C8orf88: variants seen among roughly 807,000 people sequenced by gnomAD.
C8orf88 encodes uncharacterized protein C8orf88.
In C8orf88, 14 loss-of-function variants were observed where a neutral mutation model predicts 18.4. The observed-to-expected ratio is 0.76, with a 90% CI of 0.50 to 1.19. C8orf88 has a LOEUF of 1.19. Ranked by LOEUF, C8orf88 falls within the 50% of genes most tolerant of loss-of-function variation. The pLI is 0.00. For missense variants in C8orf88, 116 were observed against 134.7 expected (o/e 0.86, Z 0.69); for synonymous variants, 45 against 42.9 (o/e 1.05, Z -0.19).
At chr8:90,975,421 GGACA>G (rs1417720054) in intron 3 of C8orf88, among the ~76,000 whole-genome samples, 2 of 151,598 alleles carry the variant, frequency 1.3e-5, no homozygotes, top group African/African-American at 4.8e-5. Flanking sequence ...AATAATAAAA[GGACA>G]AACAACCCAA....
chr8:90,974,583 C>T lies in C8orf88; in HGVS notation c.148-3442G>A, dbSNP rs368491039. Among the ~76,000 whole-genome samples the T allele has an allele frequency of 1.1e-4, 16 of 152,176 alleles. 1 individual carries two copies. The highest frequency in any genetic ancestry group is 3.9e-4 in the African/African-American group (16 of 41,532). On this transcript the variant is annotated intron_variant, in intron 3 of 5. Coordinates refer to ENST00000517562, the MANE Select transcript of C8orf88 (RefSeq NM_001190972.2). ...GGAGACCATGAAAGATAAAAATAAG[C>T]TATTGTTTTAAGCCAAAATTTTCAA...
At chr8:90,960,303 G>C (rs1033384187) in intron 5 of C8orf88, among the ~76,000 whole-genome samples, 28 of 151,356 alleles carry the variant, frequency 1.8e-4, no homozygotes, top group African/African-American at 5.3e-4. Flanking sequence ...GAACAGAATG[G>C]ATAGCCCATT....
At chr8:90,971,407 A>G (rs1811281667) in intron 3 of C8orf88, among the ~76,000 whole-genome samples, 1 of 152,118 alleles carries the variant, frequency 6.6e-6, no homozygotes. Context: ...TGTCCTAAAC[A>G]TAAATAATTC....
chr8:90,964,748 A>C (rs1223554798), intron 4 of C8orf88, among the ~76,000 whole-genome samples: 1 of 151,720 alleles, frequency 6.6e-6, no homozygotes, highest in African/African-American at 2.4e-5. Flanking sequence ...TGACAACAAC[A>C]ACATAAAGGT....
intron 1 of C8orf88, among the ~76,000 whole-genome samples, chr8:90,984,316 T>C (rs1472529583): frequency 6.6e-6 from 1 of 152,208 alleles, no homozygotes; most frequent in Non-Finnish European, 1.5e-5. Flanking sequence ...ATTACAAAGT[T>C]AGGATTCCTT....
intron 3 of C8orf88, among the ~76,000 whole-genome samples, chr8:90,977,067 T>C (rs574134330): frequency 1.3e-5 from 2 of 152,204 alleles, no homozygotes; most frequent in South Asian, 4.1e-4. Flanking sequence ...ATCCAGAACA[T>C]ATTTTAAAGG....
intron 4 of C8orf88, among the ~76,000 whole-genome samples, chr8:90,962,645 C>G (rs1181199611): frequency 6.6e-6 from 1 of 151,534 alleles, no homozygotes; most frequent in African/African-American, 2.4e-5. Context: ...TTATAGGTTC[C>G]CAGAACTGGA....
chr8:90,968,461 T>C (rs1380585487), intron 4 of C8orf88, among the ~76,000 whole-genome samples: 1 of 151,064 alleles, frequency 6.6e-6, no homozygotes, highest in Non-Finnish European at 1.5e-5. Context: ...ATGCCAGAGC[T>C]AAAACTATAA....
intron 3 of C8orf88, among the ~76,000 whole-genome samples, chr8:90,975,943 AC>A (rs1460813807): frequency 1.3e-5 from 2 of 151,724 alleles, no homozygotes; most frequent in South Asian, 2.1e-4. Context: ...AAAAAAAAAA[AC>A]AACTACTGAT....
chr8:90,969,421 C>T (rs1372446496), intron 4 of C8orf88, among the ~76,000 whole-genome samples: 1 of 151,622 alleles, frequency 6.6e-6, no homozygotes, highest in East Asian at 1.9e-4. Context: ...TCTCAATTAC[C>T]CTTATTTGAT....
chr8:90,970,493 G>C (rs139492533), intron 4 of C8orf88, among the ~76,000 whole-genome samples: 7 of 152,006 alleles, frequency 4.6e-5, no homozygotes, highest in African/African-American at 1.7e-4. Flanking sequence ...TTCTCCCCTA[G>C]AGCAGTTTTT....
intron 4 of C8orf88, among the ~76,000 whole-genome samples, chr8:90,970,125 CT>C (rs1158625598): frequency 6.6e-6 from 1 of 151,914 alleles, no homozygotes; most frequent in Non-Finnish European, 1.5e-5. Flanking sequence ...ATGTGCACCT[CT>C]TGGCTAAGCA....
intron 3 of C8orf88, among the ~76,000 whole-genome samples, chr8:90,971,398 G>T (rs1334848745): frequency 3.3e-5 from 5 of 151,770 alleles, no homozygotes; most frequent in African/African-American, 1.2e-4. Context: ...GAATTTTATT[G>T]TCCTAAACAT....
At chr8:90,982,179 C>T (rs1453808302) in intron 1 of C8orf88, among the ~76,000 whole-genome samples, 1 of 151,948 alleles carries the variant, frequency 6.6e-6, no homozygotes, top group Non-Finnish European at 1.5e-5. Flanking sequence ...CGTGGCAAAA[C>T]TAATGCTCTC....
At chr8:90,965,408 A>C (rs1811179749) in intron 4 of C8orf88, among the ~76,000 whole-genome samples, 1 of 151,874 alleles carries the variant, frequency 6.6e-6, no homozygotes, top group Non-Finnish European at 1.5e-5. Flanking sequence ...TTTAACATTA[A>C]TAACTGGAGA....
Position 90,965,218 on chromosome 8 carries a change from C to A in C8orf88, c.224-4370G>T, listed in dbSNP as rs182747625. On this transcript the variant is annotated intron_variant, in intron 4 of 5. Coordinates refer to ENST00000517562, the MANE Select transcript of C8orf88 (RefSeq NM_001190972.2). ...AATTCAAGCAGTAACCAAAAGAGAG[C>A]TGAAGTGAGTATACTAACATTAGAC... Among the ~76,000 whole-genome samples the A allele has an allele frequency of 1.6e-3, 238 of 151,650 alleles. 1 individual carries two copies. Among genetic ancestry groups the A allele is most frequent in the African/African-American group, 5.5e-3 (230 of 41,448 alleles).
upstream of C8orf88, chr8:90,985,297 C>T (rs1334985088): frequency 2.7e-5 from 4 of 149,668 alleles, no homozygotes; most frequent in African/African-American, 9.8e-5. Context: ...CGGGAGGCGG[C>T]TCCGAGGGGC....
chr8:90,972,657 C>T (rs1811298957), intron 3 of C8orf88, among the ~76,000 whole-genome samples: 1 of 151,944 alleles, frequency 6.6e-6, no homozygotes, highest in South Asian at 2.1e-4. Flanking sequence ...TAATTATAAT[C>T]CTATAAGGAA....
At chr8:90,969,812 A>T (rs971144649) in intron 4 of C8orf88, among the ~76,000 whole-genome samples, 1 of 151,904 alleles carries the variant, frequency 6.6e-6, no homozygotes, top group Non-Finnish European at 1.5e-5. Flanking sequence ...TCAATTTTTT[A>T]AAAAAGAAAC....
Sources: gnomAD v4.1 joint callset for allele counts (sites outside exome capture counted in the v4.1 genomes callset) on GRCh38, gnomAD v4.1.1 for gene constraint, MANE v1.5 for transcripts, NCBI Gene and HGNC (gene_info 2026-07-23, HGNC 2026-07-21) for gene names.